The following IL1RAPL2 variants were observed in gnomAD, a reference collection of about 807,000 sequenced individuals.
IL1RAPL2 encodes interleukin 1 receptor accessory protein like 2.
IL1RAPL2 carries 3 observed loss-of-function variants against 44.1 expected under a neutral mutation model. That is an observed-to-expected ratio of 0.07 (90% CI 0.03 to 0.18). The LOEUF (loss-of-function observed/expected upper bound fraction) is 0.18, where lower values mean the gene tolerates loss of function less well. IL1RAPL2 is among the 10% of genes least tolerant of loss of function. The pLI is 1.00. For synonymous variants in IL1RAPL2, 181 were observed against 178.8 expected (o/e 1.01, Z -0.10); for missense variants, 391 against 496.4 (o/e 0.79, Z 2.02).
intron 6 of IL1RAPL2, among the ~76,000 whole-genome samples, chrX:105,677,483 G>A (rs2037882611): frequency 8.9e-6 from 1 of 112,198 alleles, no homozygotes; most frequent in African/African-American, 3.2e-5. Flanking sequence ...AGAAATACTT[G>A]CATTAAGTTG....
At chrX:105,635,972 A>G (rs903401140) in intron 6 of IL1RAPL2, among the ~76,000 whole-genome samples, 4 of 111,081 alleles carry the variant, frequency 3.6e-5, no homozygotes, top group Admixed American at 9.6e-5. Flanking sequence ...TATTCTGTCT[A>G]TAGTTTAGAG....
chrX:104,785,716 A>G (rs964176317), intron 2 of IL1RAPL2, among the ~76,000 whole-genome samples: 9 of 112,243 alleles, frequency 8.0e-5, no homozygotes, highest in Non-Finnish European at 1.3e-4. Context: ...TGCAGCTGCT[A>G]TATAGCACTG....
chrX:105,173,223 T>G (rs1200752528), intron 2 of IL1RAPL2, among the ~76,000 whole-genome samples: 1 of 111,835 alleles, frequency 8.9e-6, no homozygotes, highest in East Asian at 2.8e-4. Context: ...AAGACCTATG[T>G]GGTAGGGACA....
At chrX:105,079,992 A>T (rs2032380008) in intron 2 of IL1RAPL2, among the ~76,000 whole-genome samples, 1 of 112,386 alleles carries the variant, frequency 8.9e-6, no homozygotes, top group African/African-American at 3.2e-5. Context: ...CCACATAAAT[A>T]TCATCTTTTG....
At chrX:105,591,855 T>C (rs1481107356) in intron 6 of IL1RAPL2, among the ~76,000 whole-genome samples, 1 of 111,447 alleles carries the variant, frequency 9.0e-6, no homozygotes, top group Admixed American at 9.6e-5. Context: ...GATTTTAGAG[T>C]GTGTGCCATG....
At chrX:104,752,309 G>A (rs781123539) in intron 2 of IL1RAPL2, among the ~76,000 whole-genome samples, 5 of 110,229 alleles carry the variant, frequency 4.5e-5, no homozygotes, top group South Asian at 3.9e-4. Context: ...GTGAGAGAGA[G>A]AGAGGCTCTA....
chrX:104,930,754 A>G (rs1441751870), intron 2 of IL1RAPL2, among the ~76,000 whole-genome samples: 2 of 111,878 alleles, frequency 1.8e-5, no homozygotes, highest in East Asian at 5.6e-4. Flanking sequence ...ACTTATGATG[A>G]GCTAGTATAG....
Position 105,653,335 on chromosome X carries a change from C to T in IL1RAPL2, c.773-64032C>T, listed in dbSNP as rs138620965. On this transcript the variant is annotated intron_variant, in intron 6 of 10. Coordinates refer to ENST00000372582, the MANE Select transcript of IL1RAPL2 (RefSeq NM_017416.2). ...TTTGTGATGCTGAAAAATGGAACCT[C>T]GACCCATTGTTTGGCATAGTAATGG... is the stretch of plus-strand genomic sequence containing the variant. 3.2e-3 allele frequency among the ~76,000 whole-genome samples: 358 copies of T among 111,635 alleles called. 1 individual carries two copies. The highest frequency in any genetic ancestry group is 0.011 in the African/African-American group (326 of 30,812).
intron 5 of IL1RAPL2, among the ~76,000 whole-genome samples, chrX:105,421,065 C>T (rs1463122046): frequency 8.9e-6 from 1 of 111,807 alleles, no homozygotes; most frequent in Non-Finnish European, 1.9e-5. Flanking sequence ...GTCCTGATGA[C>T]ATGTGCCCAT....
intron 2 of IL1RAPL2, among the ~76,000 whole-genome samples, chrX:105,085,401 G>A (rs888519336): frequency 8.9e-6 from 1 of 111,804 alleles, no homozygotes; most frequent in Non-Finnish European, 1.9e-5. Context: ...ACATATAAAT[G>A]GCAAGTAAAT....
At position 104,672,873 on chromosome X, in the gene IL1RAPL2, C is replaced by G. The variant is rs770694891; in HGVS notation, c.82+13878C>G. On this transcript the variant is annotated intron_variant, in intron 2 of 10. Coordinates refer to ENST00000372582, the MANE Select transcript of IL1RAPL2 (RefSeq NM_017416.2). ...TGATGACGAGCATTTTTTCATGTGT[C>G]TTTTGGCTGCATAAATGTCTTCTTT... Among the ~76,000 whole-genome samples, 371 of 111,729 alleles carry G rather than the reference C, an allele frequency of 3.3e-3. 1 individual carries two copies. The highest frequency in any genetic ancestry group is 5.9e-3 in the Non-Finnish European group (313 of 53,103).
At position 104,730,194 on chromosome X, in the gene IL1RAPL2, CTT is replaced by C. The variant is rs1002863476; in HGVS notation, c.82+71203_82+71204del. On this transcript the variant is annotated intron_variant, in intron 2 of 10. Coordinates refer to ENST00000372582, the MANE Select transcript of IL1RAPL2 (RefSeq NM_017416.2). ...AAATATTCACACTCATATTTGAAGA[CTT>C]TTTAAAAATTAAACTGAAGTAATTT... Among the ~76,000 whole-genome samples the C allele has an allele frequency of 7.2e-5, 8 of 111,164 alleles. No homozygotes were observed. In the South Asian group the frequency reaches 1.5e-3, roughly 21 times the overall value.
At chrX:104,934,395 A>G (rs773059498) in intron 2 of IL1RAPL2, among the ~76,000 whole-genome samples, 2 of 111,496 alleles carry the variant, frequency 1.8e-5, no homozygotes, top group Admixed American at 1.9e-4. Flanking sequence ...GATAATCAAG[A>G]TAAGGAAAAA....
chrX:104,939,290 C>A (rs1460195978), intron 2 of IL1RAPL2, among the ~76,000 whole-genome samples: 3 of 111,002 alleles, frequency 2.7e-5, no homozygotes, highest in African/African-American at 9.9e-5. Flanking sequence ...CTCCTGACCT[C>A]AGATGATCCA....
rs376863023 is a variant in IL1RAPL2, at chrX:105,270,722, G to A, written c.697+3181G>A. Among the ~76,000 whole-genome samples, 25 of 111,492 alleles carry A rather than the reference G, an allele frequency of 2.2e-4. 1 individual carries two copies. The East Asian group carries it at 6.5e-3, about 29-fold the overall frequency. ...CATTATATAACTTATACCATGCTTTGTATGCTCAATAATATGAAAACAATT... is the reference window on the plus strand; with the variant it reads ...CATTATATAACTTATACCATGCTTTATATGCTCAATAATATGAAAACAATT... On this transcript the variant is annotated intron_variant, in intron 5 of 10. Coordinates refer to ENST00000372582, the MANE Select transcript of IL1RAPL2 (RefSeq NM_017416.2).
At chrX:104,567,236 G>A (rs1365263484) in intron 1 of IL1RAPL2, among the ~76,000 whole-genome samples, 185 bp downstream of exon 1, 1 of 112,923 alleles carries the variant, frequency 8.9e-6, no homozygotes, top group Non-Finnish European at 1.9e-5. Flanking sequence ...AGAAAGTTTA[G>A]GGAATAGAGC....
intron 6 of IL1RAPL2, among the ~76,000 whole-genome samples, chrX:105,640,170 T>G (rs912138756): frequency 4.5e-5 from 5 of 110,750 alleles, no homozygotes; most frequent in Admixed American, 2.9e-4. Context: ...ACTGTTGCTA[T>G]AACTCATATC....
intron 2 of IL1RAPL2, among the ~76,000 whole-genome samples, chrX:105,079,106 C>G (rs2008679965): frequency 8.9e-6 from 1 of 112,051 alleles, no homozygotes; most frequent in South Asian, 3.7e-4. Flanking sequence ...GCAGAAATCA[C>G]CCGTCTTCTG....
chrX:105,464,792 G>A lies in IL1RAPL2; in HGVS notation c.698-19521G>A, dbSNP rs1179054969. Reference sequence around the variant, plus strand: ...GTCATGGGTAACTGGAGCCTATCCTGGCAGCTCAGGGCACAAAGCAGGGAC... The same window carrying A: ...GTCATGGGTAACTGGAGCCTATCCTAGCAGCTCAGGGCACAAAGCAGGGAC... On this transcript the variant is annotated intron_variant, in intron 5 of 10. Transcript: ENST00000372582. Among the ~76,000 whole-genome samples, 3 of 110,972 alleles carry A rather than the reference G, an allele frequency of 2.7e-5. No individual in the cohort carries two copies. In the Admixed American group the frequency reaches 2.9e-4, roughly 11 times the overall value.
Sources: allele counts gnomAD v4.1 joint callset (sites outside exome capture counted in the v4.1 genomes callset), GRCh38; gene constraint gnomAD v4.1.1; transcripts MANE v1.5; gene names NCBI Gene and HGNC (gene_info 2026-07-23, HGNC 2026-07-21).